The following PALM2AKAP2 variants were observed in gnomAD, a reference collection of about 807,000 sequenced individuals.
PALM2AKAP2 encodes the protein PALM2 and AKAP2 fusion.
Under a neutral mutation model 71.5 loss-of-function variants are expected in PALM2AKAP2, and 37 were observed. The observed-to-expected ratio is 0.52, with a 90% CI of 0.40 to 0.68. The LOEUF is 0.68. Ranked by LOEUF, PALM2AKAP2 falls within the 30% of genes least tolerant of loss-of-function variation. The pLI, the probability that PALM2AKAP2 is intolerant of heterozygous loss-of-function variation, is 0.00. For missense variants in PALM2AKAP2, 1,224 were observed against 1,191.8 expected (o/e 1.03, Z -0.40); for synonymous variants, 468 against 478.8 (o/e 0.98, Z 0.29).
chr9:109,937,495 T>C (rs1356074693), intron 6 of PALM2AKAP2, among the ~76,000 whole-genome samples: 1 of 152,134 alleles, frequency 6.6e-6, no homozygotes, highest in East Asian at 1.9e-4. Flanking sequence ...GTTCTTACTC[T>C]CTTTAATAAA....
chr9:109,660,479 G>A (rs1827375860), intron 1 of PALM2AKAP2, among the ~76,000 whole-genome samples: 1 of 152,212 alleles, frequency 6.6e-6, no homozygotes, highest in South Asian at 2.1e-4. Flanking sequence ...AGTTTGCTGA[G>A]AATGATGCTT....
chr9:109,954,482 G>A (rs568026536), intron 6 of PALM2AKAP2, among the ~76,000 whole-genome samples: 2 of 142,488 alleles, frequency 1.4e-5, no homozygotes, highest in Non-Finnish European at 3.1e-5. Context: ...CACAGGAAGG[G>A]GAATATCACA....
chr9:109,850,769 T>A (rs116694990), intron 1 of PALM2AKAP2, among the ~76,000 whole-genome samples: 181 of 152,288 alleles, frequency 1.2e-3, no homozygotes, highest in African/African-American at 4.3e-3. Context: ...AATAGTTTAT[T>A]TCAGACTGAG....
intron 6 of PALM2AKAP2, among the ~76,000 whole-genome samples, chr9:110,004,629 A>T (rs1336948058): frequency 6.6e-6 from 1 of 152,238 alleles, no homozygotes; most frequent in East Asian, 1.9e-4. Context: ...GAGTGTTTTC[A>T]AACTTGGTTC....
intron 2 of PALM2AKAP2, among the ~76,000 whole-genome samples, chr9:110,143,711 G>C (rs1467888437): frequency 6.6e-6 from 1 of 152,072 alleles, no homozygotes; most frequent in Non-Finnish European, 1.5e-5. Context: ...TGATTTGTTT[G>C]GTTTTTTGAG....
chr9:109,688,903 T>A (rs1310490723), intron 1 of PALM2AKAP2, among the ~76,000 whole-genome samples: 1 of 152,218 alleles, frequency 6.6e-6, no homozygotes, highest in Non-Finnish European at 1.5e-5. Context: ...TGTAATCTTT[T>A]TGATGCCAAA....
intron 1 of PALM2AKAP2, among the ~76,000 whole-genome samples, chr9:109,709,247 C>A (rs1487563077): frequency 1.3e-5 from 2 of 152,166 alleles, no homozygotes; most frequent in African/African-American, 4.8e-5. Flanking sequence ...ACTGTGACAC[C>A]CTGTGTAGTT....
intron 1 of PALM2AKAP2, among the ~76,000 whole-genome samples, chr9:109,843,403 C>T (rs1355693433): frequency 6.6e-6 from 1 of 150,708 alleles, no homozygotes; most frequent in Non-Finnish European, 1.5e-5. Context: ...TGATTTAACA[C>T]ATTATTTCAT....
chr9:109,748,634 G>T (rs192752494), intron 1 of PALM2AKAP2, among the ~76,000 whole-genome samples: 61 of 152,318 alleles, frequency 4.0e-4, no homozygotes, highest in African/African-American at 1.3e-3. Context: ...GATGCTGACA[G>T]TTACACAATT....
intron 2 of PALM2AKAP2, among the ~76,000 whole-genome samples, chr9:110,152,314 T>C (rs781428983): frequency 3.3e-5 from 5 of 152,018 alleles, no homozygotes; most frequent in Non-Finnish European, 5.9e-5. Flanking sequence ...TCATTGAAAA[T>C]GGGGCAGATT....
rs939187513 is a variant in PALM2AKAP2, at chr9:109,668,231, C to T, written c.5+27365C>T. Among the ~76,000 whole-genome samples, 25 of 20,726 alleles carry T rather than the reference C, an allele frequency of 1.2e-3. 10 individuals are homozygous for T. The African/African-American group carries it at 0.014, about 12-fold the overall frequency. The allele number at this position is 20,726 out of a possible 152,430, so 13.6% of individuals were successfully genotyped here. A position where few individuals can be genotyped will look rare whatever the true frequency, so the allele number is the denominator to read the frequency against. The stretch of plus-strand genomic sequence containing the variant: ...GATTACAGGCGTGAGCCACCGCGCC[C>T]GGCCGGCTTTGGTTTTAAAGTAATT... On this transcript the variant is annotated intron_variant, in intron 1 of 6. Coordinates refer to the PALM2AKAP2 transcript ENST00000374531.
intron 1 of PALM2AKAP2, among the ~76,000 whole-genome samples, chr9:110,093,087 G>T (rs1834753496): frequency 6.6e-6 from 1 of 152,252 alleles, no homozygotes; most frequent in African/African-American, 2.4e-5. Flanking sequence ...GGAAATTGAG[G>T]GACATGTATG....
chr9:109,840,055 A>T (rs1184252920), intron 1 of PALM2AKAP2, among the ~76,000 whole-genome samples: 5 of 152,234 alleles, frequency 3.3e-5, no homozygotes, highest in Admixed American at 6.5e-5. Context: ...CCGCATTGCC[A>T]AGTCAATCTT....
At chr9:109,694,120 G>A (rs963849190) in intron 1 of PALM2AKAP2, among the ~76,000 whole-genome samples, 2 of 151,950 alleles carry the variant, frequency 1.3e-5, no homozygotes, top group Non-Finnish European at 2.9e-5. Context: ...CTCAGTTCCT[G>A]AATGATTAAA....
At chr9:109,906,786 T>A (rs1228043055) in intron 3 of PALM2AKAP2, among the ~76,000 whole-genome samples, 2 of 152,140 alleles carry the variant, frequency 1.3e-5, no homozygotes, top group African/African-American at 4.8e-5. Flanking sequence ...GCCAATCCTA[T>A]CACTGACTTA....
intron 1 of PALM2AKAP2, among the ~76,000 whole-genome samples, chr9:109,677,177 G>A (rs575114848): frequency 6.6e-6 from 1 of 152,142 alleles, no homozygotes; most frequent in African/African-American, 2.4e-5. Flanking sequence ...GAGATTGACA[G>A]GAGAGAGAAT....
intron 1 of PALM2AKAP2, among the ~76,000 whole-genome samples, chr9:109,824,935 T>C (rs1335529464): frequency 6.6e-6 from 1 of 152,232 alleles, no homozygotes; most frequent in Non-Finnish European, 1.5e-5. Context: ...CTCTAAGAGT[T>C]ACCAGCCTGT....
chr9:110,046,198 C>T (rs565793837), upstream of PALM2AKAP2, among the ~76,000 whole-genome samples: 1 of 152,256 alleles, frequency 6.6e-6, no homozygotes, highest in African/African-American at 2.4e-5. Context: ...TTTCATTGAA[C>T]AAATTAAACA....
chr9:110,013,419 G>A (rs1832919655), intron 6 of PALM2AKAP2, among the ~76,000 whole-genome samples: 1 of 152,136 alleles, frequency 6.6e-6, no homozygotes, highest in African/African-American at 2.4e-5. Flanking sequence ...AAATCCAACA[G>A]GTATCAAAAG....
Sources: gnomAD v4.1 joint callset for allele counts (sites outside exome capture counted in the v4.1 genomes callset) on GRCh38, gnomAD v4.1.1 for gene constraint, MANE v1.5 for transcripts, NCBI Gene and HGNC (gene_info 2026-07-23, HGNC 2026-07-21) for gene names.